Variants in SYN2 observed in about 807,000 individuals in gnomAD.
SYN2 encodes the protein synapsin-2.
SYN2 carries 19 observed loss-of-function variants against 50.9 expected under a neutral mutation model. That is an observed-to-expected ratio of 0.37 (90% CI 0.26 to 0.55). The LOEUF is 0.55. Ranked by LOEUF, SYN2 falls within the 20% of genes least tolerant of loss-of-function variation. The pLI, the probability that SYN2 is intolerant of heterozygous loss-of-function variation, is 0.81. For missense variants in SYN2, 587 were observed against 576.4 expected (o/e 1.02, Z -0.19); for synonymous variants, 255 against 224.9 (o/e 1.13, Z -1.20).
At chr3:12,186,015 A>G (rs1698335933) in intron 11 of SYN2, among the ~76,000 whole-genome samples, 1 of 152,290 alleles carries the variant, frequency 6.6e-6, no homozygotes, top group Admixed American at 6.5e-5. Flanking sequence ...CTCTGGTATT[A>G]TTTGGTTAGA....
At chr3:12,008,329 T>C (rs1693841235) in intron 1 of SYN2, among the ~76,000 whole-genome samples, 3 of 152,204 alleles carry the variant, frequency 2.0e-5, no homozygotes, top group African/African-American at 4.8e-5. Context: ...GCACCTTCTC[T>C]GTATAGGGGA....
chr3:12,148,341 TC>T (rs1320039395), intron 4 of SYN2, among the ~76,000 whole-genome samples: 5 of 152,326 alleles, frequency 3.3e-5, no homozygotes, highest in Non-Finnish European at 7.3e-5. Flanking sequence ...CCCTTCAGTT[TC>T]ACAAAGCAGC....
At position 12,133,590 on chromosome 3, in the gene SYN2, C is replaced by T. The variant is rs1696834965; in HGVS notation, c.378-7061C>T. Among the ~76,000 whole-genome samples, 5 of 152,200 alleles carry T rather than the reference C, an allele frequency of 3.3e-5. No individual in the cohort carries two copies. In the South Asian group the frequency reaches 1.0e-3, roughly 32 times the overall value. On this transcript the variant is annotated intron_variant, in intron 1 of 12. Coordinates refer to ENST00000621198, the MANE Select transcript of SYN2 (RefSeq NM_133625.6). ...ATTGAATTGTCAGGTGAATGCTGTG[C>T]AATAGGTATTGGCCTGCCAAGTGCC...
intron 1 of SYN2, among the ~76,000 whole-genome samples, chr3:12,097,287 T>A (rs1406655116): frequency 6.6e-6 from 1 of 152,152 alleles, no homozygotes; most frequent in South Asian, 2.1e-4. Context: ...CAAATGTCCA[T>A]CAATGATAGA....
At chr3:12,039,804 A>G (rs1422151927) in intron 1 of SYN2, among the ~76,000 whole-genome samples, 13 of 152,176 alleles carry the variant, frequency 8.5e-5, no homozygotes, top group East Asian at 7.7e-4. Context: ...CTTTTTCCTA[A>G]AAGAAGGATG....
intron 10 of SYN2, among the ~76,000 whole-genome samples, chr3:12,181,233 C>T (rs192821614): frequency 2.4e-4 from 37 of 152,358 alleles, no homozygotes; most frequent in Non-Finnish European, 3.4e-4. Flanking sequence ...AGGAGAACAT[C>T]GTAAGCTGCT....
In SYN2 at chr3:12,158,882, C is replaced by T. The variant is rs112039979; in HGVS notation, c.775-2664C>T. ...GACTGAGCCTGTGAGGTCTGGGGGACTGGACGGCCCCAGCAGGGCTCCTTC... is the reference window on the plus strand; with the variant it reads ...GACTGAGCCTGTGAGGTCTGGGGGATTGGACGGCCCCAGCAGGGCTCCTTC... On this transcript the variant is annotated intron_variant, in intron 5 of 12. Transcript: ENST00000621198. 9 of 1,497,036 alleles carry T rather than the reference C, an allele frequency of 6.0e-6. No homozygotes were observed. The African/African-American group carries it at 8.3e-5, about 14-fold the overall frequency. 92.7% of individuals were successfully genotyped at this position (1,497,036 alleles called of 1,614,324 possible).
At chr3:12,171,907 T>C (rs1697945589) in intron 10 of SYN2, among the ~76,000 whole-genome samples, 1 of 152,226 alleles carries the variant, frequency 6.6e-6, no homozygotes, top group Non-Finnish European at 1.5e-5. Flanking sequence ...CCCCTTATTT[T>C]ATAAACATTA....
At chr3:12,089,047 T>C (rs1422139362) in intron 1 of SYN2, among the ~76,000 whole-genome samples, 2 of 152,190 alleles carry the variant, frequency 1.3e-5, no homozygotes, top group African/African-American at 4.8e-5. Flanking sequence ...CAAAAAACAA[T>C]AGGTAAAATG....
chr3:12,088,421 G>A (rs1695756984), intron 1 of SYN2, among the ~76,000 whole-genome samples: 1 of 152,128 alleles, frequency 6.6e-6, no homozygotes, highest in African/African-American at 2.4e-5. Context: ...GTATTGGGGG[G>A]GTTGTGAAGA....
At chr3:12,125,022 CTTT>C (rs1331614204) in intron 1 of SYN2, among the ~76,000 whole-genome samples, 1 of 147,054 alleles carries the variant, frequency 6.8e-6, no homozygotes, top group Non-Finnish European at 1.5e-5. Context: ...GAGGATTTTT[CTTT>C]TTTTTTTGAG....
At chr3:12,189,044 A>C (rs1180157446) in intron 12 of SYN2, among the ~76,000 whole-genome samples, 1 of 152,208 alleles carries the variant, frequency 6.6e-6, no homozygotes, top group Non-Finnish European at 1.5e-5. Context: ...CCCAGCCCTA[A>C]TGAAAGGCAG....
At chr3:12,103,366 G>T (rs1696116349) in intron 1 of SYN2, among the ~76,000 whole-genome samples, 1 of 152,142 alleles carries the variant, frequency 6.6e-6, no homozygotes. Flanking sequence ...TGTATGTCAA[G>T]ATGAACATTG....
intron 10 of SYN2, among the ~76,000 whole-genome samples, chr3:12,177,692 G>T (rs1178611787): frequency 6.6e-6 from 1 of 152,192 alleles, no homozygotes; most frequent in Admixed American, 6.5e-5. Flanking sequence ...GGCAGGTTCA[G>T]ATAAAGCCAC....
At chr3:12,097,566 A>C (rs1362446003) in intron 1 of SYN2, among the ~76,000 whole-genome samples, 1 of 151,400 alleles carries the variant, frequency 6.6e-6, no homozygotes, top group Non-Finnish European at 1.5e-5. Flanking sequence ...AGATCACACC[A>C]CTGCACTCCA....
intron 1 of SYN2, among the ~76,000 whole-genome samples, chr3:12,059,484 C>T (rs1188267507): frequency 6.6e-6 from 1 of 152,104 alleles, no homozygotes. Flanking sequence ...CCAGGCCCCT[C>T]AGGAAGAAAT....
intron 4 of SYN2, among the ~76,000 whole-genome samples, chr3:12,146,855 C>T (rs559165065): frequency 5.9e-5 from 9 of 152,296 alleles, no homozygotes; most frequent in African/African-American, 2.2e-4. Flanking sequence ...GGCTGGCCCT[C>T]TCAGAAGGTA....
At chr3:12,137,480 T>C (rs1365243388) in intron 1 of SYN2, among the ~76,000 whole-genome samples, 1 of 152,236 alleles carries the variant, frequency 6.6e-6, no homozygotes, top group Non-Finnish European at 1.5e-5. Flanking sequence ...ATCCTGTGGA[T>C]ATATTTTTAA....
chr3:12,173,775 A>G (rs1415384615), intron 10 of SYN2, among the ~76,000 whole-genome samples: 1 of 152,088 alleles, frequency 6.6e-6, no homozygotes, highest in East Asian at 1.9e-4. Flanking sequence ...TTAGCTGGGC[A>G]TGGTGGCAGG....
Sources: allele counts gnomAD v4.1 joint callset (sites outside exome capture counted in the v4.1 genomes callset), GRCh38; gene constraint gnomAD v4.1.1; transcripts MANE v1.5; gene names NCBI Gene and HGNC (gene_info 2026-07-23, HGNC 2026-07-21).